The following USP25 variants were observed in gnomAD, a reference collection of about 807,000 sequenced individuals.
USP25 encodes the protein ubiquitin carboxyl-terminal hydrolase 25.
In USP25, 85 loss-of-function variants were observed where a neutral mutation model predicts 158.5. That is an observed-to-expected ratio of 0.54 (90% CI 0.45 to 0.64). The LOEUF (loss-of-function observed/expected upper bound fraction) is 0.64, where lower values mean the gene tolerates loss of function less well. Among genes scored for constraint, USP25 ranks in the 30% least tolerant of loss-of-function variants. The pLI is 0.00. For missense variants in USP25, 1,242 were observed against 1,327.3 expected, an observed-to-expected ratio of 0.94 and a Z score of 1.00; for synonymous variants, 464 against 460.4, an observed-to-expected ratio of 1.01 and a Z score of -0.10.
chr21:15,850,804 T>C (rs2038851315), intron 20 of USP25, among the ~76,000 whole-genome samples: 1 of 151,928 alleles, frequency 6.6e-6, no homozygotes, highest in Admixed American at 6.6e-5. Flanking sequence ...CAATAAGCAT[T>C]TTTGAGTTTG....
intron 2 of USP25, among the ~76,000 whole-genome samples, chr21:15,765,317 A>G (rs1458044249): frequency 1.3e-5 from 2 of 152,116 alleles, no homozygotes; most frequent in Non-Finnish European, 2.9e-5. Context: ...TGCTGTTTTA[A>G]ATTAAAATTC....
At chr21:15,803,011 A>G (rs954840193) in intron 6 of USP25, among the ~76,000 whole-genome samples, 2 of 151,674 alleles carry the variant, frequency 1.3e-5, no homozygotes, top group South Asian at 2.1e-4. Context: ...AGAATAGTGG[A>G]ATATTATAAA....
chr21:15,750,986 G>A (rs2032972588), intron 1 of USP25, among the ~76,000 whole-genome samples: 1 of 152,126 alleles, frequency 6.6e-6, no homozygotes, highest in African/African-American at 2.4e-5. Context: ...TTGTTTTCAA[G>A]GAATTTGTTT....
At chr21:15,806,134 T>C (rs1373294828) in intron 7 of USP25, among the ~76,000 whole-genome samples, 1 of 152,232 alleles carries the variant, frequency 6.6e-6, no homozygotes, top group Admixed American at 6.5e-5. Flanking sequence ...AATGCTCCAG[T>C]GCCTTTTAGG....
At chr21:15,804,304 A>G (rs1370766280) in intron 6 of USP25, among the ~76,000 whole-genome samples, 1 of 151,648 alleles carries the variant, frequency 6.6e-6, no homozygotes, top group Non-Finnish European at 1.5e-5. Context: ...GAGAAACAAA[A>G]GTAAGATTTC....
intron 17 of USP25, among the ~76,000 whole-genome samples, chr21:15,835,364 C>T (rs1008192102): frequency 2.0e-5 from 3 of 152,164 alleles, no homozygotes; most frequent in Non-Finnish European, 4.4e-5. Flanking sequence ...CTTAGTCAAA[C>T]GAATACATAT....
chr21:15,790,924 T>A (rs185292047), intron 4 of USP25, among the ~76,000 whole-genome samples: 1 of 151,928 alleles, frequency 6.6e-6, no homozygotes, highest in African/African-American at 2.4e-5. Flanking sequence ...CATTAAATTT[T>A]CCCAAAGGCA....
rs188416218 is a variant in USP25, at chr21:15,839,482, G to A, written c.2195-2916G>A. Among the ~76,000 whole-genome samples the A allele has an allele frequency of 2.9e-3, 448 of 152,246 alleles. 1 individual carries two copies. Among genetic ancestry groups the A allele is most frequent in the Non-Finnish European group, 5.2e-3 (351 of 68,008 alleles). Reference sequence around the variant, plus strand: ...CATACAGAACAACACAATATAACCAGTACATGTTACATTGAATAGAGAGTA... The same window carrying A: ...CATACAGAACAACACAATATAACCAATACATGTTACATTGAATAGAGAGTA... On this transcript the variant is annotated intron_variant, in intron 17 of 25. Coordinates refer to ENST00000400183, the MANE Select transcript of USP25 (RefSeq NM_001283041.3).
At chr21:15,780,170 T>C (rs1413857693) in intron 4 of USP25, among the ~76,000 whole-genome samples, 3 of 152,148 alleles carry the variant, frequency 2.0e-5, no homozygotes, top group South Asian at 2.1e-4. Context: ...AATTCCAGAA[T>C]CATTTGCTTA....
intron 1 of USP25, among the ~76,000 whole-genome samples, chr21:15,740,777 A>ATTAGTATTCTT: frequency 6.7e-6 from 1 of 149,582 alleles, no homozygotes; most frequent in South Asian, 2.1e-4. Context: ...ATATATTAAG[A>ATTAGTATTCTT]TTAGTATTCT....
intron 16 of USP25, among the ~76,000 whole-genome samples, chr21:15,832,988 A>G (rs981218141): frequency 6.6e-6 from 1 of 152,148 alleles, no homozygotes; most frequent in Non-Finnish European, 1.5e-5. Context: ...ACTGCACTCC[A>G]GCCTGAGTGA....
chr21:15,831,356 TAAAC>T, intron 15 of USP25, 41 bp from the exon 16 acceptor site: 1 of 1,573,254 alleles, frequency 6.4e-7, no homozygotes, highest in African/African-American at 1.4e-5. Context: ...TGGTATATAG[TAAAC>T]TACATAATTG....
At chr21:15,771,664 C>G (rs2034360972) in intron 3 of USP25, among the ~76,000 whole-genome samples, 1 of 150,344 alleles carries the variant, frequency 6.7e-6, no homozygotes, top group South Asian at 2.1e-4. Flanking sequence ...TTCTGGTGGT[C>G]CAGGGTATTT....
Position 15,746,026 on chromosome 21 carries a change from G to A in USP25, c.45+15588G>A, listed in dbSNP as rs539263788. Among the ~76,000 whole-genome samples the A allele has an allele frequency of 7.9e-5, 12 of 152,276 alleles. No individual in the cohort carries two copies. In the South Asian group the frequency reaches 2.5e-3, roughly 32 times the overall value. On this transcript the variant is annotated intron_variant, in intron 1 of 25. Coordinates refer to ENST00000400183, the MANE Select transcript of USP25 (RefSeq NM_001283041.3). ...AAATTAATTGATCATGTATGAGTGG[G>A]TTTATTTTTGAACTCAGTTCCTTTC...
At chr21:15,758,707 C>G (rs1472507244) in intron 1 of USP25, among the ~76,000 whole-genome samples, 2 of 152,068 alleles carry the variant, frequency 1.3e-5, no homozygotes, top group East Asian at 1.9e-4. Context: ...TTGTCAGAGG[C>G]CTGACAATCA....
At chr21:15,878,119 A>G (rs567623167) in intron 25 of USP25, 128 bp downstream of exon 25, 257 of 1,036,888 alleles carry the variant, frequency 2.5e-4, no homozygotes, top group Non-Finnish European at 3.0e-4. Flanking sequence ...TCACATTCAC[A>G]TGATTACTCT....
At chr21:15,868,611 G>C (rs1468212637) in intron 22 of USP25, among the ~76,000 whole-genome samples, 1 of 151,952 alleles carries the variant, frequency 6.6e-6, no homozygotes, top group African/African-American at 2.4e-5. Flanking sequence ...CTAAGTTCAG[G>C]GTTCAGTAAA....
At chr21:15,778,567 C>G (rs1006906017) in intron 4 of USP25, among the ~76,000 whole-genome samples, 1 of 152,020 alleles carries the variant, frequency 6.6e-6, no homozygotes, top group Non-Finnish European at 1.5e-5. Flanking sequence ...TGATCTATAG[C>G]ATGATAATAT....
At chr21:15,812,195 G>A (rs1326992619) in intron 9 of USP25, among the ~76,000 whole-genome samples, 1 of 151,214 alleles carries the variant, frequency 6.6e-6, no homozygotes, top group African/African-American at 2.4e-5. Flanking sequence ...CATTTACGTT[G>A]GGTCATTCAT....
Sources: allele counts gnomAD v4.1 joint callset (sites outside exome capture counted in the v4.1 genomes callset), GRCh38; gene constraint gnomAD v4.1.1; transcripts MANE v1.5; gene names NCBI Gene and HGNC (gene_info 2026-07-23, HGNC 2026-07-21).